Variants in SMC6 observed in about 807,000 individuals in gnomAD.
SMC6 encodes structural maintenance of chromosomes protein 6.
A neutral mutation model predicts 142.2 loss-of-function variants in SMC6; 79 were observed. The ratio of observed to expected loss-of-function variants is 0.56; its 90% CI spans 0.46 to 0.67. SMC6 has a LOEUF of 0.67. Among genes scored for constraint, SMC6 ranks in the 30% least tolerant of loss-of-function variants. The pLI is 0.00. For missense variants in SMC6, 1,072 were observed against 1,284.0 expected (o/e 0.83, Z 2.52); for synonymous variants, 411 against 412.4 (o/e 1.00, Z 0.04).
rs989618701 is a variant in SMC6, at chr2:17,724,059, G to A, written c.726+1198C>T. Among the ~76,000 whole-genome samples, 120 of 152,198 alleles carry A rather than the reference G, an allele frequency of 7.9e-4. 1 individual carries two copies. Among genetic ancestry groups the A allele is most frequent in the Non-Finnish European group, 1.3e-4 (9 of 67,976 alleles). On this transcript the variant is annotated intron_variant, in intron 9 of 27. Coordinates refer to ENST00000448223, the MANE Select transcript of SMC6 (RefSeq NM_001142286.2). ...TTTGTATACCATGGAGAAAATAAGT[G>A]TTTAATCCCAAGTGTCTGAAACAAA...
At chr2:17,725,190 T>C (rs1351958092) in intron 9 of SMC6, 67 bp downstream of exon 9, 1 of 992,532 alleles carries the variant, frequency 1.0e-6, no homozygotes, top group African/African-American at 1.7e-5. Flanking sequence ...TTTTACAATA[T>C]CATTTACTGT....
chr2:17,685,702 T>A (rs530550356), intron 23 of SMC6, among the ~76,000 whole-genome samples: 1 of 152,100 alleles, frequency 6.6e-6, no homozygotes, highest in African/African-American at 2.4e-5. Flanking sequence ...AAAAAAATCA[T>A]AGGTGAATAC....
chr2:17,723,379 C>G (rs889244933), intron 9 of SMC6, among the ~76,000 whole-genome samples: 16 of 152,162 alleles, frequency 1.1e-4, no homozygotes, highest in Non-Finnish European at 2.9e-5. Context: ...TCTACTGCCC[C>G]CTAAATTTTA....
At chr2:17,730,859 C>T (rs532302784) in intron 7 of SMC6, among the ~76,000 whole-genome samples, 1 of 152,088 alleles carries the variant, frequency 6.6e-6, no homozygotes, top group South Asian at 2.1e-4. Flanking sequence ...GGTGATCCAC[C>T]CGCCTTGGTC....
At chr2:17,743,074 G>A (rs1292091284) in intron 3 of SMC6, among the ~76,000 whole-genome samples, 1 of 152,128 alleles carries the variant, frequency 6.6e-6, no homozygotes, top group Non-Finnish European at 1.5e-5. Context: ...CTAATTCTCT[G>A]TTGTTGCCTA....
In SMC6 at chr2:17,701,915, A is replaced by ATC; in HGVS notation, c.2143-7_2143-6insGA. 1 of 1,477,390 alleles carries ATC rather than the reference A, an allele frequency of 6.8e-7. No individual in the cohort carries two copies. The highest frequency in any genetic ancestry group is 9.3e-7 in the Non-Finnish European group (1 of 1,077,522). 91.5% of individuals were successfully genotyped at this position (1,477,390 alleles called of 1,614,324 possible). ...ATATTTTTTCTTATTTTCATCTAAA[A>ATC]GAAAAGTATTTGGATTTTAGTAACA... is the stretch of plus-strand genomic sequence containing the variant. On this transcript the variant is annotated splice_region_variant and splice_polypyrimidine_tract_variant and intron_variant, in intron 19 of 27. Coordinates refer to ENST00000448223, the MANE Select transcript of SMC6 (RefSeq NM_001142286.2).
intron 23 of SMC6, among the ~76,000 whole-genome samples, chr2:17,691,352 G>C (rs1262364631): frequency 7.3e-5 from 3 of 40,938 alleles, no homozygotes; most frequent in East Asian, 7.2e-4. Context: ...GTGTGTGTCT[G>C]TGTGTGTGTG....
chr2:17,712,265 T>C, intron 16 of SMC6, among the ~76,000 whole-genome samples: 1 of 152,210 alleles, frequency 6.6e-6, no homozygotes, highest in South Asian at 2.1e-4. Flanking sequence ...AGAGGTGTAT[T>C]TTTAAAAGAA....
rs1237183875 is a variant in SMC6, at chr2:17,721,032, C to A, written c.853G>T (p.Glu285Ter). The A allele has an allele frequency of 2.5e-6, 4 of 1,613,408 alleles. No individual in the cohort carries two copies. Among genetic ancestry groups the A allele is most frequent in the Admixed American group, 3.3e-5 (2 of 59,954 alleles). ...ATGGCATTCAATTGTTTTTCAATTTCATTGACCTAAGAAAGAAATTATATA... is the reference window on the plus strand; with the variant it reads ...ATGGCATTCAATTGTTTTTCAATTTAATTGACCTAAGAAAGAAATTATATA... ...KHEMAWAVVNEIEKQLNAIRD... is the reference protein window; with the variant it reads ...KHEMAWAVVN The change falls in exon 11 of 28, where the codon GAA (glutamate) becomes TAA (stop). Residue 285 changes from glutamate (E) to a stop codon, truncating the protein, a stop_gained. Transcript: ENST00000448223. LOFTEE classifies it high-confidence loss of function.
intron 21 of SMC6, among the ~76,000 whole-genome samples, chr2:17,698,959 T>A (rs1668140771): frequency 6.6e-6 from 1 of 152,122 alleles, no homozygotes; most frequent in Non-Finnish European, 1.5e-5. Flanking sequence ...CCCTTTTGTA[T>A]CCCTTTTCTT....
chr2:17,729,375 A>C (rs1004488586), intron 7 of SMC6, among the ~76,000 whole-genome samples: 4 of 152,234 alleles, frequency 2.6e-5, no homozygotes, highest in African/African-American at 9.6e-5. Context: ...TAAATATTTC[A>C]ACAGAGAATA....
At chr2:17,727,683 C>T (rs1307842019) in intron 7 of SMC6, among the ~76,000 whole-genome samples, 3 of 152,102 alleles carry the variant, frequency 2.0e-5, no homozygotes, top group Non-Finnish European at 2.9e-5. Flanking sequence ...TACTCAATTA[C>T]TAACAAATCA....
intron 4 of SMC6, among the ~76,000 whole-genome samples, chr2:17,740,494 A>T (rs1423307010): frequency 1.3e-5 from 2 of 152,130 alleles, no homozygotes; most frequent in East Asian, 3.9e-4. Context: ...TTCCCCTTCT[A>T]ATCCATTGTC....
chr2:17,687,782 A>C (rs1466873244), intron 23 of SMC6, among the ~76,000 whole-genome samples: 1 of 152,186 alleles, frequency 6.6e-6, no homozygotes, highest in Non-Finnish European at 1.5e-5. Context: ...GATCAGAGAA[A>C]AATTGAATGT....
chr2:17,692,217 T>C (rs559123291), intron 23 of SMC6, among the ~76,000 whole-genome samples: 12 of 152,268 alleles, frequency 7.9e-5, no homozygotes, highest in African/African-American at 2.9e-4. Flanking sequence ...TTAAAGTTCA[T>C]ATGGAACCAA....
intron 5 of SMC6, among the ~76,000 whole-genome samples, chr2:17,737,354 GA>G (rs1345756035): frequency 6.6e-6 from 1 of 152,202 alleles, no homozygotes; most frequent in African/African-American, 2.4e-5. Context: ...TGTTAATTAT[GA>G]AAGTTTCAAA....
chr2:17,741,694 G>A lies in SMC6; in HGVS notation c.156C>T (p.His52=), dbSNP rs1387390895. Residue 52 remains histidine (H), a synonymous_variant, in exon 4 of 28, where the codon CAC becomes CAT. Transcript: ENST00000448223. The part of the protein sequence containing the change: ...AAEVGIIESI[H]LKNFMCHSML... The stretch of plus-strand genomic sequence containing the variant: ...TTGAATGACACATGAAGTTTTTTAG[G>A]TGAATACTCTCAATTATTCCAACTT... 1.2e-6 allele frequency: 2 copies of A among 1,610,268 alleles called. No individual in the cohort carries two copies. The highest frequency in any genetic ancestry group is 1.7e-6 in the Non-Finnish European group (2 of 1,178,546).
chr2:17,740,925 C>G (rs546208002), intron 4 of SMC6: 9 of 284,466 alleles, frequency 3.2e-5, no homozygotes, highest in Non-Finnish European at 6.2e-5. Flanking sequence ...TGGTTCCCCA[C>G]TGTCTTCAAA....
intron 7 of SMC6, among the ~76,000 whole-genome samples, chr2:17,727,034 T>C (rs574353386): frequency 1.3e-5 from 2 of 152,366 alleles, no homozygotes; most frequent in Middle Eastern, 3.4e-3. Context: ...CATGAGGATA[T>C]TGTAAAACAA....
Sources: gnomAD v4.1 joint callset for allele counts (sites outside exome capture counted in the v4.1 genomes callset) on GRCh38, gnomAD v4.1.1 for gene constraint, MANE v1.5 for transcripts, NCBI Gene and HGNC (gene_info 2026-07-23, HGNC 2026-07-21) for gene names.